Variants in PTPRM observed in about 807,000 individuals in gnomAD.
The protein encoded by PTPRM is protein tyrosine phosphatase receptor type M, also known as receptor-type tyrosine-protein phosphatase mu.
A neutral mutation model predicts 186.7 loss-of-function variants in PTPRM; 47 were observed. That is an observed-to-expected ratio of 0.25 (90% CI 0.20 to 0.32). PTPRM has a LOEUF of 0.32. Ranked by LOEUF, PTPRM falls within the 10% of genes least tolerant of loss-of-function variation. The pLI, the probability that PTPRM is intolerant of heterozygous loss-of-function variation, is 1.00. For synonymous variants in PTPRM, 668 were observed against 674.9 expected (o/e 0.99, Z 0.16); for missense variants, 1,494 against 1,865.0 (o/e 0.80, Z 3.66).
intron 1 of PTPRM, among the ~76,000 whole-genome samples, chr18:7,756,300 C>T (rs1456767022): frequency 6.6e-6 from 1 of 152,194 alleles, no homozygotes. Context: ...CTTCTGTAAA[C>T]ATGCCTAGTG....
chr18:7,664,919 G>T (rs954625586), intron 1 of PTPRM, among the ~76,000 whole-genome samples: 3 of 152,180 alleles, frequency 2.0e-5, no homozygotes, highest in Non-Finnish European at 4.4e-5. Context: ...GGGAAAACAG[G>T]TTTGGGGTGT....
At chr18:7,609,346 C>T (rs1432185357) in intron 1 of PTPRM, among the ~76,000 whole-genome samples, 1 of 152,130 alleles carries the variant, frequency 6.6e-6, no homozygotes, top group Non-Finnish European at 1.5e-5. Context: ...CATAGGGGGA[C>T]AGCAGCATAG....
chr18:8,001,293 G>A (rs1176218206), intron 7 of PTPRM, among the ~76,000 whole-genome samples: 2 of 152,224 alleles, frequency 1.3e-5, no homozygotes, highest in Admixed American at 1.3e-4. Flanking sequence ...ACTCCAGGAT[G>A]GAGCCTAGTT....
At chr18:7,840,669 C>G (rs1452148146) in intron 2 of PTPRM, among the ~76,000 whole-genome samples, 1 of 152,160 alleles carries the variant, frequency 6.6e-6, no homozygotes, top group Non-Finnish European at 1.5e-5. Context: ...AGAAATGTGC[C>G]GTCAGTGACT....
rs73939469 is a variant in PTPRM, at chr18:8,379,894, C to T, written c.3787-402C>T. On this transcript the variant is annotated intron_variant, in intron 28 of 32. Coordinates refer to ENST00000580170, the MANE Select transcript of PTPRM (RefSeq NM_001105244.2). ...AAAAAAAAAGTACATGTATTCTTTACGGCAGAAATAAGAACACTGTCACAC... is the reference window on the plus strand; with the variant it reads ...AAAAAAAAAGTACATGTATTCTTTATGGCAGAAATAAGAACACTGTCACAC... Among the ~76,000 whole-genome samples the T allele has an allele frequency of 5.8e-3, 886 of 152,180 alleles. 11 individuals are homozygous for T. Among genetic ancestry groups the T allele is most frequent in the African/African-American group, 0.02 (838 of 41,544 alleles).
chr18:7,773,570 G>GTTTTTT (rs10708698), intron 1 of PTPRM, among the ~76,000 whole-genome samples: 2 of 129,092 alleles, frequency 1.5e-5, no homozygotes, highest in Non-Finnish European at 1.6e-5. Flanking sequence ...TCTTTTCTTT[G>GTTTTTT]TTTTTTTTTT....
chr18:7,963,355 G>A (rs1215334752), intron 7 of PTPRM, among the ~76,000 whole-genome samples: 1 of 152,226 alleles, frequency 6.6e-6, no homozygotes, highest in African/African-American at 2.4e-5. Context: ...TAAGGCAGCA[G>A]CAGAGGGGTA....
chr18:8,051,145 G>T (rs995895297), intron 7 of PTPRM, among the ~76,000 whole-genome samples: 1 of 152,142 alleles, frequency 6.6e-6, no homozygotes, highest in Non-Finnish European at 1.5e-5. Context: ...CTTTAATGAC[G>T]TATGATCTTG....
chr18:8,286,205 C>T (rs576928315), intron 19 of PTPRM, among the ~76,000 whole-genome samples: 3 of 152,176 alleles, frequency 2.0e-5, no homozygotes, highest in Non-Finnish European at 2.9e-5. Flanking sequence ...CTCATTTGCT[C>T]CTTCCCATCT....
At chr18:7,807,793 T>C (rs976926137) in intron 2 of PTPRM, among the ~76,000 whole-genome samples, 5 of 152,252 alleles carry the variant, frequency 3.3e-5, no homozygotes, top group African/African-American at 7.2e-5. Context: ...GAATTACATC[T>C]AAGTAATATT....
At chr18:7,773,589 G>GTTTT (rs2042436707) in intron 1 of PTPRM, among the ~76,000 whole-genome samples, 2 of 89,754 alleles carry the variant, frequency 2.2e-5, no homozygotes, top group Non-Finnish European at 2.5e-5. Flanking sequence ...TTTTTTTTTT[G>GTTTT]TTTGTTTGTT....
intron 20 of PTPRM, among the ~76,000 whole-genome samples, chr18:8,298,689 T>C (rs565295754): frequency 6.6e-6 from 1 of 152,350 alleles, no homozygotes; most frequent in East Asian, 1.9e-4. Context: ...GTATCTATTT[T>C]ACAGGTGAGG....
chr18:8,165,631 A>G (rs1049028879), intron 14 of PTPRM, among the ~76,000 whole-genome samples: 2 of 152,208 alleles, frequency 1.3e-5, no homozygotes, highest in South Asian at 2.1e-4. Flanking sequence ...GAAGAAAGCA[A>G]TATGTTCTGC....
chr18:8,018,951 G>A (rs2085044530), intron 7 of PTPRM, among the ~76,000 whole-genome samples: 1 of 152,104 alleles, frequency 6.6e-6, no homozygotes, highest in Non-Finnish European at 1.5e-5. Context: ...TTGTGCTCAC[G>A]TTAATTTTCC....
chr18:7,862,124 A>G (rs2047418975), intron 2 of PTPRM, among the ~76,000 whole-genome samples: 1 of 152,208 alleles, frequency 6.6e-6, no homozygotes, highest in Non-Finnish European at 1.5e-5. Flanking sequence ...ATATGCATAA[A>G]TGCATAACAT....
At chr18:8,214,453 AAGTTT>A (rs1470069008) in intron 14 of PTPRM, among the ~76,000 whole-genome samples, 35 of 152,262 alleles carry the variant, frequency 2.3e-4, no homozygotes, top group African/African-American at 7.5e-4. Context: ...TTCTTTTAAA[AAGTTT>A]AGTTATTACC....
intron 18 of PTPRM, 103 bp from the exon 19 acceptor site, chr18:8,253,124 C>A: frequency 1.0e-6 from 1 of 979,596 alleles, no homozygotes; most frequent in Non-Finnish European, 1.4e-6. Flanking sequence ...AATTTTGCAC[C>A]CCTAGGTGAG....
intron 4 of PTPRM, among the ~76,000 whole-genome samples, chr18:7,911,426 C>T (rs2050257934): frequency 6.6e-6 from 1 of 152,266 alleles, no homozygotes; most frequent in South Asian, 2.1e-4. Flanking sequence ...AAATCATAGC[C>T]ATCCTTGTGG....
chr18:8,108,353 TACA>T (rs1003919110), intron 11 of PTPRM, among the ~76,000 whole-genome samples: 8 of 152,122 alleles, frequency 5.3e-5, no homozygotes, highest in Non-Finnish European at 8.8e-5. Flanking sequence ...ATGAAAGCGT[TACA>T]ACTTTTCTCC....
Sources: allele counts gnomAD v4.1 joint callset (sites outside exome capture counted in the v4.1 genomes callset), GRCh38; gene constraint gnomAD v4.1.1; transcripts MANE v1.5; gene names NCBI Gene and HGNC (gene_info 2026-07-23, HGNC 2026-07-21).